Variants in DGKZ observed in about 807,000 individuals in gnomAD.
DGKZ encodes diacylglycerol kinase zeta.
In DGKZ, 45 loss-of-function variants were observed where a neutral mutation model predicts 142.5. The ratio of observed to expected loss-of-function variants is 0.32; its 90% confidence interval spans 0.25 to 0.40. The LOEUF (loss-of-function observed/expected upper bound fraction) is 0.40, where lower values mean the gene tolerates loss of function less well. Ranked by LOEUF, DGKZ falls within the 10% of genes least tolerant of loss-of-function variation. The pLI, the probability that DGKZ is intolerant of heterozygous loss-of-function variation, is 1.00. For missense variants in DGKZ, 755 were observed against 1,306.5 expected (o/e 0.58, Z 6.51); for synonymous variants, 442 against 527.0 (o/e 0.84, Z 2.21).
rs1383758067 is a variant in DGKZ, at chr11:46,372,638, G to A, written c.1032G>A (p.Val344=). Residue 344 remains valine, a synonymous_variant, in exon 12 of 31, where the codon GTG becomes GTA. Coordinates refer to ENST00000527911, the Ensembl canonical transcript of DGKZ. This position sits in a 1 kb window ranked among gnomAD's most constrained non-coding sequence, Gnocchi z 5.9. ...CCAGGCTGGAGATGTACCGCAAAGT[G>A]CACAACCTGCGGATCCTGGCGTGCG... The A allele has an allele frequency of 6.2e-7, 1 of 1,613,666 alleles. No homozygotes were observed. The highest frequency in any genetic ancestry group is 1.7e-5 in the Admixed American group (1 of 60,012).
At chr11:46,359,557 G>C (rs1942402995) in intron 1 of DGKZ, among the ~76,000 whole-genome samples, 1 of 152,100 alleles carries the variant, frequency 6.6e-6, no homozygotes, top group South Asian at 2.1e-4. Flanking sequence ...ATGCAAGGTA[G>C]TCCAGTGGAA....
At chr11:46,360,710 C>T (rs138791176) in intron 1 of DGKZ, among the ~76,000 whole-genome samples, 2,786 of 152,026 alleles carry the variant, frequency 0.018, 29 homozygotes, top group Middle Eastern at 0.041. Context: ...CATCTGAACC[C>T]GGGAGGCGGA....
At chr11:46,376,144 A>G (rs1331441850) in exon 22 of DGKZ, 2 of 1,610,900 alleles carry the variant, frequency 1.2e-6, no homozygotes, top group African/African-American at 1.3e-5. Context: ...AGACTCCAGC[A>G]GGTAAGGGGT....
chr11:46,369,705 C>T (rs1358497063), intron 5 of DGKZ, 155 bp downstream of exon 5: 5 of 1,056,432 alleles, frequency 4.7e-6, no homozygotes, highest in East Asian at 2.5e-5. Flanking sequence ...GCCTAACTAG[C>T]GCTGCCTGCG....
At chr11:46,379,847 A>G in exon 31 of DGKZ, 2 of 1,610,520 alleles carry the variant, frequency 1.2e-6, no homozygotes, top group East Asian at 2.2e-5. Flanking sequence ...ACTCCCCGGC[A>G]GCGGGCTGAG....
In DGKZ at chr11:46,377,060, C is replaced by T. The variant is rs1944634676; in HGVS notation, c.2203-13C>T. The stretch of plus-strand genomic sequence containing the variant: ...CAGGTGCCCTGACCTCCCGCCCTGA[C>T]CTCCCCCCACAGGAGCACCTCAACT... On this transcript the variant is annotated splice_polypyrimidine_tract_variant and intron_variant, in intron 24 of 30. Coordinates refer to ENST00000527911, the Ensembl canonical transcript of DGKZ. The T allele has an allele frequency of 6.2e-7, 1 of 1,611,900 alleles. No individual in the cohort carries two copies. Among genetic ancestry groups the T allele is most frequent in the Non-Finnish European group, 8.5e-7 (1 of 1,179,520 alleles).
At chr11:46,344,597 G>A (rs1940452983), upstream of DGKZ, among the ~76,000 whole-genome samples, 2 of 151,742 alleles carry the variant, frequency 1.3e-5, no homozygotes, top group African/African-American at 4.8e-5. Flanking sequence ...GTGATTACAG[G>A]CACCTGCCAC....
At chr11:46,370,043 C>T in intron 6 of DGKZ, 34 bp downstream of exon 6, 2 of 1,612,354 alleles carry the variant, frequency 1.2e-6, no homozygotes, top group Non-Finnish European at 1.7e-6. Context: ...TCGCCACCTG[C>T]ACCTGCGGTC....
rs1229573364 is a variant in DGKZ, at chr11:46,374,588, CCT to C, written c.1462-13_1462-12del. 6.3e-7 allele frequency: 1 copy of C among 1,588,752 alleles called. No homozygotes were observed. Among genetic ancestry groups the C allele is most frequent in the South Asian group, 1.1e-5 (1 of 87,258 alleles). On this transcript the variant is annotated splice_polypyrimidine_tract_variant and intron_variant, in intron 16 of 30. Coordinates refer to ENST00000527911, the Ensembl canonical transcript of DGKZ. Reference sequence around the variant, plus strand: ...GATCTCTGTCAGCAGATGGTGACGCCCTCTGTCTCCCACAGACAGCTTTCTCT... The same window carrying C: ...GATCTCTGTCAGCAGATGGTGACGCCCTGTCTCCCACAGACAGCTTTCTCT...
chr11:46,374,540 C>T, intron 16 of DGKZ, 64 bp from the exon 17 acceptor site: 1 of 1,610,476 alleles, frequency 6.2e-7, no homozygotes, highest in Non-Finnish European at 8.5e-7. Flanking sequence ...CCCCAGGAGC[C>T]CTGCCGGGTG....
chr11:46,376,716 G>C, intron 24 of DGKZ, 152 bp downstream of exon 24: 7 of 1,031,162 alleles, frequency 6.8e-6, no homozygotes, highest in Non-Finnish European at 8.6e-6. Context: ...CATGGACAGC[G>C]TGCGGCCCTG....
rs191462113 is a variant in DGKZ at position 46,366,293 on chromosome 11, G to A, written c.162-998G>A. On this transcript the variant is annotated intron_variant, in intron 1 of 30. Coordinates refer to ENST00000527911, the Ensembl canonical transcript of DGKZ. ...CTTTAGGAGACATTTCCGGGGGAAG[G>A]TGCCAGGCCCTGGAGAGGGGCAGCA... 637 of 1,584,272 alleles carry A rather than the reference G, an allele frequency of 4.0e-4. 3 individuals are homozygous for A. Among genetic ancestry groups the A allele is most frequent in the Admixed American group, 2.8e-3 (161 of 57,558 alleles).
At position 46,347,487 on chromosome 11, in the gene DGKZ, A is replaced by C. The variant is rs1421125536; in HGVS notation, c.-173A>C. 47 of 981,486 alleles carry C rather than the reference A, an allele frequency of 4.8e-5. No individual in the cohort carries two copies. The Middle Eastern group carries it at 2.1e-3, about 44-fold the overall frequency. 60.8% of individuals were successfully genotyped at this position (981,486 alleles called of 1,614,324 possible). ...CGGCACTTCCTGGAGCGGCGGCGGC[A>C]GCGGCTTCCCGGGCACCTGGGCGTG... On this transcript the variant is annotated 5_prime_UTR_variant, in exon 1 of 31. Transcript: ENST00000527911. The surrounding 1 kb of genome is among the most constrained non-coding windows in gnomAD (Gnocchi z 6.4).
chr11:46,356,873 T>C (rs1344229069), intron 1 of DGKZ, among the ~76,000 whole-genome samples: 1 of 152,186 alleles, frequency 6.6e-6, no homozygotes, highest in Non-Finnish European at 1.5e-5. Context: ...AGCTTAATAT[T>C]TGTAAAAACA....
At chr11:46,376,895 T>G in intron 24 of DGKZ, 178 bp from the exon 25 acceptor site, 2 of 658,210 alleles carry the variant, frequency 3.0e-6, no homozygotes, top group South Asian at 3.8e-5. Flanking sequence ...GTCTGGGCAG[T>G]CGGAGGAGGT....
intron 1 of DGKZ, among the ~76,000 whole-genome samples, chr11:46,354,544 A>C (rs61882682): frequency 0.16 from 23,729 of 152,166 alleles, 1,905 homozygotes; most frequent in Middle Eastern, 0.17. Context: ...AAACACATTA[A>C]ATATCTTGGC....
At chr11:46,373,169 C>A in intron 14 of DGKZ, 68 bp downstream of exon 14, 3 of 1,480,296 alleles carry the variant, frequency 2.0e-6, no homozygotes, top group Non-Finnish European at 2.7e-6. Context: ...TTTCCACTTG[C>A]TGGTTCTGGG....
At chr11:46,353,293 T>G (rs1412742653) in intron 1 of DGKZ, among the ~76,000 whole-genome samples, 1 of 152,160 alleles carries the variant, frequency 6.6e-6, no homozygotes, top group East Asian at 1.9e-4. Context: ...GCCACTCTAC[T>G]TAGGAGTACT....
At chr11:46,365,871 G>C in intron 1 of DGKZ, 2 of 985,410 alleles carry the variant, frequency 2.0e-6, no homozygotes, top group Non-Finnish European at 2.4e-6. Context: ...CTTCCGGCAG[G>C]GCAGGTGGAG....
Sources: gnomAD v4.1 joint callset for allele counts (sites outside exome capture counted in the v4.1 genomes callset) on GRCh38, gnomAD v4.1.1 for gene constraint, Gnocchi (gnomAD v3.1) non-coding constraint, MANE v1.5 for transcripts, NCBI Gene and HGNC (gene_info 2026-07-23, HGNC 2026-07-21) for gene names.